The following SEC31A variants were observed in gnomAD, a reference collection of about 807,000 sequenced individuals.
SEC31A encodes the protein protein transport protein Sec31A.
In SEC31A, 70 loss-of-function variants were observed where a neutral mutation model predicts 151.0. That is an observed-to-expected ratio of 0.46 (90% CI 0.38 to 0.57). SEC31A has a LOEUF of 0.57. SEC31A is among the 20% of genes least tolerant of loss of function. SEC31A has a pLI of 0.00. For synonymous variants in SEC31A, 475 were observed against 505.9 expected (o/e 0.94, Z 0.82); for missense variants, 1,330 against 1,471.2 (o/e 0.90, Z 1.57).
At chr4:82,881,456 C>T (rs1412899863) in intron 2 of SEC31A, among the ~76,000 whole-genome samples, 6 of 150,588 alleles carry the variant, frequency 4.0e-5, no homozygotes, top group South Asian at 2.1e-4. Context: ...AAGAGCAAGA[C>T]TCCATCTCAA....
chr4:82,865,166 C>A (rs1735031991), intron 10 of SEC31A, among the ~76,000 whole-genome samples: 1 of 151,982 alleles, frequency 6.6e-6, no homozygotes, highest in African/African-American at 2.4e-5. Context: ...AAAAGACAAG[C>A]AACAAATATG....
intron 20 of SEC31A, chr4:82,845,229 G>T (rs1485367147): frequency 3.3e-6 from 5 of 1,534,582 alleles, no homozygotes; most frequent in Non-Finnish European, 4.4e-6. Flanking sequence ...GGCTGCAGGT[G>T]GATGGCTGGG....
chr4:82,870,307 C>T lies in SEC31A; in HGVS notation c.882+18G>A. 6.3e-7 allele frequency: 1 copy of T among 1,591,258 alleles called. No homozygotes were observed. The highest frequency in any genetic ancestry group is 8.6e-7 in the Non-Finnish European group (1 of 1,160,004). Reference sequence around the variant, plus strand: ...TACTATAAGGGCTACAAGGTTGAGACACATTTCCTGCCCATACCTCTCCTG... The same window carrying T: ...TACTATAAGGGCTACAAGGTTGAGATACATTTCCTGCCCATACCTCTCCTG... On this transcript the variant is annotated intron_variant, in intron 8 of 26. Transcript: ENST00000395310.
chr4:82,860,816 T>C (rs1196725458), intron 14 of SEC31A, among the ~76,000 whole-genome samples: 4 of 152,128 alleles, frequency 2.6e-5, no homozygotes, highest in South Asian at 2.1e-4. Context: ...CCATATCCTT[T>C]ATTCCCTTGT....
chr4:82,842,104 G>A, intron 22 of SEC31A, 36 bp downstream of exon 22: 1 of 1,488,448 alleles, frequency 6.7e-7, no homozygotes, highest in South Asian at 1.4e-5. Flanking sequence ...AACAAATAAA[G>A]GAGGGGGCCA....
At chr4:82,864,762 C>CTTTTTTGG (rs1560637382) in intron 10 of SEC31A, among the ~76,000 whole-genome samples, 164 bp from the exon 11 acceptor site, 2 of 151,532 alleles carry the variant, frequency 1.3e-5, no homozygotes, top group East Asian at 3.9e-4. Context: ...ATGAAATGTA[C>CTTTTTTGG]TTTTTTGGTT....
intron 3 of SEC31A, among the ~76,000 whole-genome samples, chr4:82,880,053 C>T (rs11099556): frequency 0.74 from 112,591 of 151,914 alleles, 42,100 homozygotes; most frequent in Admixed American, 0.79. Flanking sequence ...CATGGTGGCA[C>T]ATGCCTGTAA....
At chr4:82,880,759 TAATTA>T (rs749863931) in intron 3 of SEC31A, 35 bp downstream of exon 3, 1 of 1,550,824 alleles carries the variant, frequency 6.4e-7, no homozygotes, top group South Asian at 1.2e-5. Context: ...GAACAATATA[TAATTA>T]AATAATCACA....
At chr4:82,872,163 T>G in intron 6 of SEC31A, 77 bp from the exon 7 acceptor site, 1 of 1,030,962 alleles carries the variant, frequency 9.7e-7, no homozygotes, top group South Asian at 1.4e-5. Context: ...AAATATACCT[T>G]TATTGAAACA....
Position 82,875,825 on chromosome 4 carries a change from G to A in SEC31A, c.403-3C>T. ...GCACCAGAAGCTACCAGATTAGTCTGCAAGAAGAAACCATAACTAAATAGC... is the reference window on the plus strand; with the variant it reads ...GCACCAGAAGCTACCAGATTAGTCTACAAGAAGAAACCATAACTAAATAGC... On this transcript the variant is annotated splice_polypyrimidine_tract_variant and splice_region_variant and intron_variant, in intron 4 of 26. Coordinates refer to ENST00000395310, the MANE Select transcript of SEC31A (RefSeq NM_001077207.4). 1 of 1,552,222 alleles carries A rather than the reference G, an allele frequency of 6.4e-7. No individual in the cohort carries two copies. The highest frequency in any genetic ancestry group is 8.8e-7 in the Non-Finnish European group (1 of 1,132,822).
intron 24 of SEC31A, 57 bp downstream of exon 24, chr4:82,827,312 G>T: frequency 1.3e-6 from 2 of 1,549,210 alleles, no homozygotes; most frequent in Non-Finnish European, 1.8e-6. Context: ...GCACATTAAA[G>T]AAAATATACT....
upstream of SEC31A, chr4:82,893,706 A>T (rs889494767): frequency 5.3e-5 from 8 of 152,252 alleles, no homozygotes; most frequent in Non-Finnish European, 7.3e-5. Flanking sequence ...AATGGTACAT[A>T]TTCAAGGAGA....
intron 12 of SEC31A, 21 bp downstream of exon 12, chr4:82,863,297 C>A: frequency 1.4e-6 from 2 of 1,424,126 alleles, no homozygotes; most frequent in Non-Finnish European, 1.9e-6. Flanking sequence ...AGCATGCCAT[C>A]TAACTTTCCC....
intron 1 of SEC31A, among the ~76,000 whole-genome samples, chr4:82,886,781 CATT>C (rs1364345068): frequency 1.3e-5 from 2 of 152,174 alleles, no homozygotes; most frequent in African/African-American, 4.8e-5. Context: ...ATAATAACGT[CATT>C]ATATTTTAAT....
chr4:82,890,867 A>C, intron 1 of SEC31A: 1 of 1,383,938 alleles, frequency 7.2e-7, no homozygotes, highest in Non-Finnish European at 9.3e-7. Context: ...TCAGCAGTGG[A>C]GACGTCGGCG....
At chr4:82,851,386 G>C (rs568515247) in intron 19 of SEC31A, 45 bp downstream of exon 19, 6 of 1,494,148 alleles carry the variant, frequency 4.0e-6, no homozygotes, top group African/African-American at 1.4e-5. Context: ...TTATCTACTG[G>C]ACTCACCTTA....
chr4:82,886,390 G>C (rs906739245), intron 1 of SEC31A, among the ~76,000 whole-genome samples: 2 of 152,196 alleles, frequency 1.3e-5, no homozygotes, highest in Non-Finnish European at 2.9e-5. Context: ...ATAGGGAAAA[G>C]AGTGACAACC....
intron 3 of SEC31A, among the ~76,000 whole-genome samples, chr4:82,896,379 G>A (rs913420972): frequency 1.3e-5 from 2 of 151,980 alleles, no homozygotes; most frequent in South Asian, 2.1e-4. Flanking sequence ...CACCATGCCC[G>A]GCTAATTTTT....
intron 1 of SEC31A, among the ~76,000 whole-genome samples, chr4:82,883,345 G>C (rs1217312420): frequency 2.0e-5 from 3 of 152,060 alleles, no homozygotes; most frequent in African/African-American, 4.8e-5. Flanking sequence ...CATTAAAAAG[G>C]GACAGCTATA....
Sources: allele counts gnomAD v4.1 joint callset (sites outside exome capture counted in the v4.1 genomes callset), GRCh38; gene constraint gnomAD v4.1.1; transcripts MANE v1.5; gene names NCBI Gene and HGNC (gene_info 2026-07-23, HGNC 2026-07-21).